Variants in GABPB1 observed in about 807,000 individuals in gnomAD.
GABPB1 encodes GA-binding protein subunit beta-1.
GABPB1 carries 15 observed loss-of-function variants against 45.9 expected under a neutral mutation model. That is an observed-to-expected ratio of 0.33 (90% CI 0.22 to 0.50). The LOEUF is 0.50. Among genes scored for constraint, GABPB1 ranks in the 20% least tolerant of loss-of-function variants. The pLI, the probability that GABPB1 is intolerant of heterozygous loss-of-function variation, is 0.98. For synonymous variants in GABPB1, 143 were observed against 154.4 expected (o/e 0.93, Z 0.55); for missense variants, 252 against 457.5 (o/e 0.55, Z 4.10).
intron 1 of GABPB1, among the ~76,000 whole-genome samples, chr15:50,310,847 C>T (rs1435234294): frequency 1.3e-4 from 19 of 151,762 alleles, no homozygotes; most frequent in Admixed American, 1.3e-3. Context: ...CATGGGGGCT[C>T]ACACCTAGGG....
chr15:50,340,087 T>C (rs531364358), intron 1 of GABPB1, among the ~76,000 whole-genome samples: 1 of 152,314 alleles, frequency 6.6e-6, no homozygotes, highest in East Asian at 1.9e-4. Flanking sequence ...TATCATTCCA[T>C]TCATAATTTC....
intron 2 of GABPB1, among the ~76,000 whole-genome samples, chr15:50,308,582 G>C (rs1294901316): frequency 1.3e-5 from 2 of 152,138 alleles, no homozygotes; most frequent in African/African-American, 2.4e-5. Context: ...TCTCCTATCA[G>C]ACTTCTCTCC....
chr15:50,335,517 T>TAA, intron 1 of GABPB1, among the ~76,000 whole-genome samples: 1 of 152,338 alleles, frequency 6.6e-6, no homozygotes, highest in South Asian at 2.1e-4. Context: ...GAATTTGGCT[T>TAA]AACAGATTCC....
Position 50,309,784 on chromosome 15 carries a change from A to G in GABPB1, c.15T>C (p.Asp5=), listed in dbSNP as rs775459291. 6.2e-7 allele frequency: 1 copy of G among 1,610,856 alleles called. No homozygotes were observed. Among genetic ancestry groups the G allele is most frequent in the Non-Finnish European group, 8.5e-7 (1 of 1,177,168 alleles). Residue 5 remains aspartate, a synonymous_variant, in exon 2 of 9, where the codon GAT becomes GAC. Transcript: ENST00000380877. ...CCGCTTCTAAAAGCTTCTTTCCCAAATCTACCAGGGACATCTAAACAAAAC... is the reference window on the plus strand; with the variant it reads ...CCGCTTCTAAAAGCTTCTTTCCCAAGTCTACCAGGGACATCTAAACAAAAC... MSLV[D]LGKKLLEAAR...
chr15:50,337,326 T>G (rs1384278930), intron 1 of GABPB1, among the ~76,000 whole-genome samples: 1 of 151,594 alleles, frequency 6.6e-6, no homozygotes, highest in Non-Finnish European at 1.5e-5. Flanking sequence ...CCAACTGTTA[T>G]GAGATTCTGT....
At chr15:50,282,583 G>T (rs1044916783) in intron 8 of GABPB1, among the ~76,000 whole-genome samples, 3 of 82,412 alleles carry the variant, frequency 3.6e-5, no homozygotes, top group Admixed American at 1.3e-4. Flanking sequence ...AAACAGAGAC[G>T]GATGTGACTA....
At position 50,301,374 on chromosome 15, in the gene GABPB1, GA is replaced by G. The variant is rs34151458; in HGVS notation, c.472-7del. The G allele has an allele frequency of 1.9e-6, 3 of 1,598,034 alleles. No individual in the cohort carries two copies. Among genetic ancestry groups the G allele is most frequent in the African/African-American group, 2.7e-5 (2 of 73,964 alleles). On this transcript the variant is annotated splice_polypyrimidine_tract_variant and splice_region_variant and intron_variant, in intron 4 of 8. Transcript: ENST00000380877. The stretch of plus-strand genomic sequence containing the variant: ...ATTTGGTTCTGCATAGCAATCTAGG[GA>G]AAAAATGACCACAGTGTTTTCAGAA...
intron 1 of GABPB1, chr15:50,351,211 A>T (rs1410589753): frequency 6.6e-6 from 1 of 152,218 alleles, no homozygotes; most frequent in African/African-American, 2.4e-5. Context: ...AATACCCCAA[A>T]TATAATATAA....
chr15:50,325,909 T>A (rs964556954), intron 1 of GABPB1, among the ~76,000 whole-genome samples: 1 of 115,852 alleles, frequency 8.6e-6, no homozygotes, highest in Non-Finnish European at 2.0e-5. Context: ...AAGGGTTTTT[T>A]TTGTTTTTTT....
intron 6 of GABPB1, among the ~76,000 whole-genome samples, 199 bp downstream of exon 6, chr15:50,300,590 T>C (rs929273239): frequency 1.3e-5 from 2 of 151,780 alleles, no homozygotes; most frequent in Non-Finnish European, 2.9e-5. Context: ...TTACAGGCCA[T>C]GTGCCACCAC....
intron 1 of GABPB1, among the ~76,000 whole-genome samples, chr15:50,335,849 T>C (rs1008553594): frequency 1.5e-5 from 2 of 133,188 alleles, no homozygotes; most frequent in East Asian, 4.4e-4. Flanking sequence ...TGAGCCGAGA[T>C]CATGGTGCTG....
At chr15:50,333,517 C>T (rs2048013929) in intron 1 of GABPB1, among the ~76,000 whole-genome samples, 1 of 151,920 alleles carries the variant, frequency 6.6e-6, no homozygotes, top group African/African-American at 2.4e-5. Context: ...AAATAAATAA[C>T]ATTCCCAATT....
intron 1 of GABPB1, among the ~76,000 whole-genome samples, chr15:50,322,273 G>T (rs559447685): frequency 6.6e-6 from 1 of 152,216 alleles, no homozygotes; most frequent in East Asian, 1.9e-4. Context: ...AGGTGTCCAG[G>T]CTGGGCACAG....
At chr15:50,340,684 C>T (rs1195562563) in intron 1 of GABPB1, among the ~76,000 whole-genome samples, 1 of 151,626 alleles carries the variant, frequency 6.6e-6, no homozygotes, top group African/African-American at 2.4e-5. Flanking sequence ...GCATAGTATG[C>T]TATTATTGTG....
In GABPB1 at chr15:50,282,560, GAAAA is replaced by G. The variant is rs552203074; in HGVS notation, c.999+3504_999+3507del. 1.2e-4 allele frequency among the ~76,000 whole-genome samples: 11 copies of G among 89,024 alleles called. 1 individual carries two copies. Among genetic ancestry groups the G allele is most frequent in the Non-Finnish European group, 1.9e-4 (8 of 42,650 alleles). 58.4% of individuals were successfully genotyped at this position (89,024 alleles called of 152,430 possible). On this transcript the variant is annotated intron_variant, in intron 8 of 8. Coordinates refer to ENST00000380877, the MANE Select transcript of GABPB1 (RefSeq NM_016654.5). ...CAAAGTGAGACCCTGCCTTAAAAAA[GAAAA>G]AAAAAAAAAAACAGAGACGGATGTG...
At chr15:50,313,272 G>A (rs945879900) in intron 1 of GABPB1, among the ~76,000 whole-genome samples, 3 of 152,120 alleles carry the variant, frequency 2.0e-5, no homozygotes, top group Non-Finnish European at 4.4e-5. Context: ...GGCAAAAAAT[G>A]CTCAGTGTCA....
rs1156912274 is a variant in GABPB1, at chr15:50,277,164, A to G, written c.*1468T>C. 2.0e-5 allele frequency: 3 copies of G among 152,206 alleles called. No homozygotes were observed. Among genetic ancestry groups the G allele is most frequent in the Non-Finnish European group, 4.4e-5 (3 of 68,026 alleles). The allele number at this position is 152,206 out of a possible 1,614,324, so 9.4% of individuals were successfully genotyped here. On this transcript the variant is annotated 3_prime_UTR_variant, in exon 9 of 9. Transcript: ENST00000380877. The stretch of plus-strand genomic sequence containing the variant: ...TTTAAAGTCATGTTGTGGAGAGTAT[A>G]AAATATTTTCATATGGTGGCTCAAA...
chr15:50,335,895 C>CAAAA (rs775073809), intron 1 of GABPB1, among the ~76,000 whole-genome samples: 46 of 79,248 alleles, frequency 5.8e-4, no homozygotes, highest in Non-Finnish European at 8.8e-4. Context: ...GACTCCGACT[C>CAAAA]AAAAAAAAAA....
chr15:50,304,184 C>T (rs999882441), intron 2 of GABPB1, 51 bp from the exon 3 acceptor site: 1 of 1,462,310 alleles, frequency 6.8e-7, no homozygotes, highest in Non-Finnish European at 9.2e-7. Flanking sequence ...TGTTACTACA[C>T]TTCTGTTTAT....
Sources: allele counts gnomAD v4.1 joint callset (sites outside exome capture counted in the v4.1 genomes callset), GRCh38; gene constraint gnomAD v4.1.1; transcripts MANE v1.5; gene names NCBI Gene and HGNC (gene_info 2026-07-23, HGNC 2026-07-21).